The following MALRD1 variants were observed in gnomAD, a reference collection of about 807,000 sequenced individuals.
MALRD1 encodes the protein MAM and LDL-receptor class A domain-containing protein 1.
MALRD1 carries 247 observed loss-of-function variants against 242.1 expected under a neutral mutation model. That is an observed-to-expected ratio of 1.02 (90% CI 0.92 to 1.13). The LOEUF is 1.13. Ranked by LOEUF, MALRD1 falls within the 50% of genes most tolerant of loss-of-function variation. The pLI is 0.00. For synonymous variants in MALRD1, 995 were observed against 866.6 expected, an observed-to-expected ratio of 1.15 and a Z score of -2.60; for missense variants, 2,989 against 2,533.1, an observed-to-expected ratio of 1.18 and a Z score of -3.86.
At chr10:19,462,136 C>G (rs753772321) in intron 29 of MALRD1, among the ~76,000 whole-genome samples, 7 of 152,064 alleles carry the variant, frequency 4.6e-5, no homozygotes, top group Admixed American at 6.5e-5. Context: ...ATCATATTCA[C>G]TATGTCTTAT....
chr10:19,603,964 T>C (rs978969177), intron 34 of MALRD1, among the ~76,000 whole-genome samples: 1 of 152,186 alleles, frequency 6.6e-6, no homozygotes, highest in Non-Finnish European at 1.5e-5. Flanking sequence ...CCCCATTCCC[T>C]GAGGCTGAAC....
intron 32 of MALRD1, among the ~76,000 whole-genome samples, chr10:19,540,060 T>G (rs891077322): frequency 1.4e-4 from 21 of 152,012 alleles, no homozygotes; most frequent in African/African-American, 5.1e-4. Flanking sequence ...AATGAGCTGC[T>G]CAAGGACGAG....
Position 19,595,340 on chromosome 10 carries a change from A to C in MALRD1, c.5827A>C (p.Thr1943Pro), listed in dbSNP as rs763150997. ...SDEMDCPLSP[T>P]PPLCSNMEFP... ...TGAAATGGATTGTCCTCTCAGCCCC[A>C]CCCCTCCACTCTGTAGTAACATGGA... Residue 1943 changes from threonine to proline, a missense_variant, in exon 34 of 40, where the codon ACC becomes CCC. Thr to Pro is a conservative substitution (Grantham distance 38, BLOSUM62 -1). Coordinates refer to ENST00000454679, the MANE Select transcript of MALRD1 (RefSeq NM_001142308.3). 7 of 1,550,414 alleles carry C rather than the reference A, an allele frequency of 4.5e-6. No homozygotes were observed. The East Asian group carries it at 1.7e-4, about 38-fold the overall frequency.
chr10:19,576,655 C>A (rs927125612), intron 33 of MALRD1, among the ~76,000 whole-genome samples: 14 of 152,158 alleles, frequency 9.2e-5, no homozygotes, highest in African/African-American at 3.4e-4. Context: ...CAAACAGGAT[C>A]ATTTGTCTTT....
chr10:19,447,051 CACACACACACATACACAG>C (rs1835027928), intron 28 of MALRD1, among the ~76,000 whole-genome samples: 1 of 102,162 alleles, frequency 9.8e-6, no homozygotes, highest in Non-Finnish European at 2.0e-5. Flanking sequence ...AACACACACA[CACACACACACATACACAG>C]ACACACACAC....
chr10:19,421,224 T>A (rs1833708715), intron 28 of MALRD1, among the ~76,000 whole-genome samples: 1 of 152,206 alleles, frequency 6.6e-6, no homozygotes, highest in Non-Finnish European at 1.5e-5. Context: ...TATGTGTATG[T>A]GTGCATGTTT....
At chr10:19,699,591 C>A (rs1490696766) in intron 38 of MALRD1, among the ~76,000 whole-genome samples, 2 of 152,050 alleles carry the variant, frequency 1.3e-5, no homozygotes, top group East Asian at 3.9e-4. Context: ...CAAAGACATA[C>A]CTGAAACTGG....
At chr10:19,628,629 C>T (rs1031377035) in intron 36 of MALRD1, among the ~76,000 whole-genome samples, 5 of 151,936 alleles carry the variant, frequency 3.3e-5, no homozygotes, top group African/African-American at 1.2e-4. Context: ...TTAGTGAGCT[C>T]TGTAGAAGAT....
At chr10:19,577,009 C>G (rs1836865464) in intron 33 of MALRD1, among the ~76,000 whole-genome samples, 1 of 128,512 alleles carries the variant, frequency 7.8e-6, no homozygotes, top group South Asian at 2.9e-4. Flanking sequence ...TGATCTTTAA[C>G]TTCAAAGTTG....
At chr10:19,658,345 T>C (rs530419289) in intron 36 of MALRD1, among the ~76,000 whole-genome samples, 1 of 152,158 alleles carries the variant, frequency 6.6e-6, no homozygotes, top group Non-Finnish European at 1.5e-5. Flanking sequence ...CATAGGGCTA[T>C]TCTGAGATCT....
intron 36 of MALRD1, among the ~76,000 whole-genome samples, chr10:19,688,839 C>A (rs1842704221): frequency 6.6e-6 from 1 of 152,186 alleles, no homozygotes; most frequent in Non-Finnish European, 1.5e-5. Context: ...GATCAGACTG[C>A]CACAATTACT....
intron 36 of MALRD1, among the ~76,000 whole-genome samples, chr10:19,634,581 A>T (rs1840043013): frequency 6.6e-6 from 1 of 152,230 alleles, no homozygotes; most frequent in East Asian, 1.9e-4. Flanking sequence ...CGGAATATGG[A>T]GACTTAGATC....
At position 19,607,899 on chromosome 10, in the gene MALRD1, T is replaced by C. The variant is rs550188599; in HGVS notation, c.6067T>C (p.Ser2023Pro). 6.5e-7 allele frequency: 1 copy of C among 1,549,620 alleles called. No individual in the cohort carries two copies. Among genetic ancestry groups the C allele is most frequent in the East Asian group, 2.4e-5 (1 of 40,862 alleles). ...MDFQLDESSCSECPLNYCRNG... is the reference protein window; with the variant it reads ...MDFQLDESSCPECPLNYCRNG... ...TTTCCAGCTTGATGAGTCCAGCTGC[T>C]CCGGTACCCCATTTCCATTCAGATA... The change falls in exon 35 of 40, where the codon TCC becomes CCC. Residue 2023 changes from serine (S) to proline (P), a missense_variant. Transcript: ENST00000454679.
At chr10:19,580,633 TA>T (rs1215828592) in intron 33 of MALRD1, among the ~76,000 whole-genome samples, 1 of 152,192 alleles carries the variant, frequency 6.6e-6, no homozygotes, top group Non-Finnish European at 1.5e-5. Flanking sequence ...TATGTTGTGT[TA>T]AGTCTGAATT....
At chr10:19,232,822 C>T (rs952541769) in intron 18 of MALRD1, among the ~76,000 whole-genome samples, 10 of 152,104 alleles carry the variant, frequency 6.6e-5, no homozygotes, top group Admixed American at 2.6e-4. Context: ...CCACCCCAAC[C>T]CTGCTTCTTG....
At chr10:19,482,793 CATAA>C (rs1837061189) in intron 29 of MALRD1, among the ~76,000 whole-genome samples, 2 of 6,454 alleles carry the variant, frequency 3.1e-4, no homozygotes, top group Non-Finnish European at 4.4e-4. Context: ...TTATAAATAA[CATAA>C]CACAAAAAAT....
In MALRD1 at chr10:19,629,721, G is replaced by A. The variant is rs566450744; in HGVS notation, c.6137+13798G>A. 5.9e-5 allele frequency among the ~76,000 whole-genome samples: 9 copies of A among 152,236 alleles called. No individual in the cohort carries two copies. The East Asian group carries it at 1.2e-3, about 20-fold the overall frequency. The stretch of plus-strand genomic sequence containing the variant: ...CAGTGGTGGCGCTCGAGAGACTGGA[G>A]CTTCTAAGAATGCTGACAAAAAAGT... On this transcript the variant is annotated intron_variant, in intron 36 of 39. Transcript: ENST00000454679.
At chr10:19,627,353 C>T (rs1409393739) in intron 36 of MALRD1, among the ~76,000 whole-genome samples, 2 of 152,082 alleles carry the variant, frequency 1.3e-5, no homozygotes, top group East Asian at 3.9e-4. Flanking sequence ...AACTTGATCA[C>T]ATGGATGATG....
At chr10:19,343,874 A>C (rs907706649) in intron 24 of MALRD1, among the ~76,000 whole-genome samples, 4 of 152,112 alleles carry the variant, frequency 2.6e-5, no homozygotes, top group African/African-American at 9.7e-5. Flanking sequence ...ATAACTGAGG[A>C]GTAATATCTC....
Sources: allele counts gnomAD v4.1 joint callset (sites outside exome capture counted in the v4.1 genomes callset), GRCh38; gene constraint gnomAD v4.1.1; transcripts MANE v1.5; gene names NCBI Gene and HGNC (gene_info 2026-07-23, HGNC 2026-07-21).